RALGAPA2: variants seen among roughly 807,000 people sequenced by gnomAD.
RALGAPA2 encodes the protein ral GTPase-activating protein subunit alpha-2.
A neutral mutation model predicts 230.4 loss-of-function variants in RALGAPA2; 139 were observed. The observed-to-expected ratio is 0.60, with a 90% CI of 0.53 to 0.69. The LOEUF is 0.69. Among genes scored for constraint, RALGAPA2 ranks in the 30% least tolerant of loss-of-function variants. RALGAPA2 has a pLI of 0.00. For missense variants in RALGAPA2, 2,163 were observed against 2,276.0 expected, an observed-to-expected ratio of 0.95 and a Z score of 1.01; for synonymous variants, 847 against 837.8, an observed-to-expected ratio of 1.01 and a Z score of -0.19.
chr20:20,604,445 T>G (rs1017364012), intron 15 of RALGAPA2, among the ~76,000 whole-genome samples: 1 of 152,364 alleles, frequency 6.6e-6, no homozygotes, highest in Non-Finnish European at 1.5e-5. Flanking sequence ...ATTCAGAATT[T>G]CTCCACGTTT....
At chr20:20,631,219 C>T (rs1261458273) in intron 9 of RALGAPA2, among the ~76,000 whole-genome samples, 1 of 152,202 alleles carries the variant, frequency 6.6e-6, no homozygotes, top group South Asian at 2.1e-4. Flanking sequence ...CCCATATGAG[C>T]CCAGCTTTCC....
chr20:20,624,328 CAAAAAAAAAAA>C (rs748683871), intron 10 of RALGAPA2, among the ~76,000 whole-genome samples: 20 of 49,158 alleles, frequency 4.1e-4, no homozygotes, highest in South Asian at 2.1e-3. Flanking sequence ...ACTCCATCTC[CAAAAAAAAAAA>C]AAAAAAAAAA....
chr20:20,466,278 T>C (rs1048926413), intron 37 of RALGAPA2, among the ~76,000 whole-genome samples: 9 of 152,262 alleles, frequency 5.9e-5, no homozygotes, highest in African/African-American at 1.7e-4. Context: ...TCAGCATGGC[T>C]GACAAACTCA....
chr20:20,460,050 G>A (rs1250416614), intron 37 of RALGAPA2, among the ~76,000 whole-genome samples: 1 of 152,126 alleles, frequency 6.6e-6, no homozygotes, highest in Non-Finnish European at 1.5e-5. Flanking sequence ...TGCTTGCCAC[G>A]GCTATACCGA....
At chr20:20,503,835 T>C (rs755933357) in intron 34 of RALGAPA2, among the ~76,000 whole-genome samples, 3 of 152,210 alleles carry the variant, frequency 2.0e-5, no homozygotes, top group Non-Finnish European at 4.4e-5. Flanking sequence ...TCCCTATTGA[T>C]GGATTTTGGG....
chr20:20,462,608 A>AGATG (rs1183966246), intron 37 of RALGAPA2, among the ~76,000 whole-genome samples: 1 of 152,126 alleles, frequency 6.6e-6, no homozygotes, highest in East Asian at 1.9e-4. Context: ...CAGAAAGGAC[A>AGATG]CCCTTTCAAG....
chr20:20,473,663 T>C (rs1263987925), intron 36 of RALGAPA2, among the ~76,000 whole-genome samples: 2 of 152,156 alleles, frequency 1.3e-5, no homozygotes, highest in Non-Finnish European at 2.9e-5. Context: ...TAATAGAGAC[T>C]GGCTTTTCTT....
At chr20:20,517,270 C>A (rs905945468) in intron 31 of RALGAPA2, among the ~76,000 whole-genome samples, 1 of 152,204 alleles carries the variant, frequency 6.6e-6, no homozygotes, top group Admixed American at 6.5e-5. Flanking sequence ...ATGTGAATAG[C>A]TGAAACATTA....
intron 1 of RALGAPA2, among the ~76,000 whole-genome samples, chr20:20,706,186 A>C (rs2069595669): frequency 6.6e-6 from 1 of 152,226 alleles, no homozygotes; most frequent in Admixed American, 6.5e-5. Context: ...AACCTTTTTC[A>C]GTTATCTTAA....
chr20:20,573,606 C>T (rs904917274), intron 20 of RALGAPA2, among the ~76,000 whole-genome samples: 42 of 152,128 alleles, frequency 2.8e-4, no homozygotes, highest in Admixed American at 2.6e-4. Flanking sequence ...ATAATTGGTC[C>T]CCTTCCTCTA....
intron 37 of RALGAPA2, among the ~76,000 whole-genome samples, chr20:20,468,697 G>C (rs2061473407): frequency 6.6e-6 from 1 of 151,240 alleles, no homozygotes; most frequent in African/African-American, 2.4e-5. Flanking sequence ...CTCCTTTCAA[G>C]CCATTTCTTC....
At chr20:20,593,424 G>A (rs1234130170) in intron 16 of RALGAPA2, among the ~76,000 whole-genome samples, 2 of 152,226 alleles carry the variant, frequency 1.3e-5, no homozygotes, top group Admixed American at 6.5e-5. Context: ...TACAGACTAC[G>A]TCCTTCTCAC....
In RALGAPA2 at chr20:20,605,405, A is replaced by G. The variant is rs768550415; in HGVS notation, c.1808T>C (p.Met603Thr). 7 of 1,612,784 alleles carry G rather than the reference A, an allele frequency of 4.3e-6. No individual in the cohort carries two copies. The highest frequency in any genetic ancestry group is 5.9e-6 in the Non-Finnish European group (7 of 1,178,886). Residue 603 changes from methionine (M) to threonine (T), a missense_variant, in exon 15 of 40, where the codon ATG becomes ACG. Physicochemically the swap from Met to Thr is moderately conservative, Grantham distance 81. Coordinates refer to ENST00000202677, the MANE Select transcript of RALGAPA2 (RefSeq NM_020343.4). ...GAGGTTTGCTCGGATCCAAGCTACC[A>G]TGAGCGTCTAAAACCAACCAACCAA... is the stretch of plus-strand genomic sequence containing the variant. ...SLAGLLFRTL[M>T]VAWIRANLCV...
At chr20:20,446,571 G>A (rs1273510327) in intron 37 of RALGAPA2, among the ~76,000 whole-genome samples, 1 of 152,212 alleles carries the variant, frequency 6.6e-6, no homozygotes, top group African/African-American at 2.4e-5. Context: ...GGCTTTGCAG[G>A]ATTGCTGTGG....
At chr20:20,594,537 T>C (rs1287897833) in intron 16 of RALGAPA2, among the ~76,000 whole-genome samples, 1 of 152,098 alleles carries the variant, frequency 6.6e-6, no homozygotes, top group Non-Finnish European at 1.5e-5. Flanking sequence ...CTAGATCTAT[T>C]GCATTTTCTA....
intron 35 of RALGAPA2, among the ~76,000 whole-genome samples, chr20:20,499,313 T>C (rs1159219503): frequency 6.6e-6 from 1 of 152,164 alleles, no homozygotes; most frequent in Non-Finnish European, 1.5e-5. Flanking sequence ...CAAGAAAACA[T>C]GTCTTTTCTC....
chr20:20,683,309 C>T (rs1402057280), intron 1 of RALGAPA2, among the ~76,000 whole-genome samples: 2 of 152,186 alleles, frequency 1.3e-5, no homozygotes, highest in Admixed American at 6.5e-5. Context: ...CCCATAGCGG[C>T]CAACTCGAAT....
intron 15 of RALGAPA2, among the ~76,000 whole-genome samples, chr20:20,604,897 A>G (rs2065771540): frequency 6.6e-6 from 1 of 152,206 alleles, no homozygotes; most frequent in Non-Finnish European, 1.5e-5. Context: ...AAAAGAGATA[A>G]TATGTACAAT....
At chr20:20,449,423 C>G (rs2060938671) in intron 37 of RALGAPA2, among the ~76,000 whole-genome samples, 1 of 152,168 alleles carries the variant, frequency 6.6e-6, no homozygotes, top group Admixed American at 6.5e-5. Flanking sequence ...GAGCAGAAAC[C>G]TTTTTGTCAC....
Sources: gnomAD v4.1 joint callset for allele counts (sites outside exome capture counted in the v4.1 genomes callset) on GRCh38, gnomAD v4.1.1 for gene constraint, MANE v1.5 for transcripts, NCBI Gene and HGNC (gene_info 2026-07-23, HGNC 2026-07-21) for gene names.